The following PARD3B variants were observed in gnomAD, a reference collection of about 807,000 sequenced individuals.
PARD3B encodes par-3 family cell polarity regulator beta.
PARD3B carries 103 observed loss-of-function variants against 130.2 expected under a neutral mutation model. That is an observed-to-expected ratio of 0.79 (90% CI 0.67 to 0.93). PARD3B has a LOEUF of 0.93. Among genes scored for constraint, PARD3B ranks in the 40% least tolerant of loss-of-function variants. The probability of loss-of-function intolerance (pLI) is 0.00; values close to 1 mark genes in which losing one functional copy is unlikely to be tolerated. For missense variants in PARD3B, 1,609 were observed against 1,499.2 expected (o/e 1.07, Z -1.21); for synonymous variants, 583 against 553.2 (o/e 1.05, Z -0.76).
At chr2:204,985,562 T>C (rs34817700) in intron 3 of PARD3B, among the ~76,000 whole-genome samples, 5 of 152,190 alleles carry the variant, frequency 3.3e-5, no homozygotes, top group African/African-American at 9.7e-5. Flanking sequence ...GTGGCTGGAA[T>C]TTGACCAAAT....
Position 204,669,932 on chromosome 2 carries a change from T to C in PARD3B, c.121-16249T>C, listed in dbSNP as rs1022442496. On this transcript the variant is annotated intron_variant, in intron 1 of 22. Coordinates refer to ENST00000406610, the MANE Select transcript of PARD3B (RefSeq NM_001302769.2). The surrounding 1 kb of genome is among the most constrained non-coding windows in gnomAD (Gnocchi z 4.3). ...AAAAATATTTGAATAACTCTATTAATGGAAAGGATGGAAAAGTTGGGGGAC... is the reference window on the plus strand; with the variant it reads ...AAAAATATTTGAATAACTCTATTAACGGAAAGGATGGAAAAGTTGGGGGAC... Among the ~76,000 whole-genome samples, 1 of 152,108 alleles carries C rather than the reference T, an allele frequency of 6.6e-6. No homozygotes were observed. The highest frequency in any genetic ancestry group is 1.5e-5 in the Non-Finnish European group (1 of 68,006).
chr2:205,575,419 GTGT>G lies in PARD3B; in HGVS notation c.3260+22021_3260+22023del, dbSNP rs973773952. 7.9e-5 allele frequency among the ~76,000 whole-genome samples: 12 copies of G among 151,890 alleles called. No individual in the cohort carries two copies. Among genetic ancestry groups the G allele is most frequent in the African/African-American group, 2.9e-4 (12 of 41,336 alleles). On this transcript the variant is annotated intron_variant, in intron 22 of 22. Transcript: ENST00000406610. The surrounding 1 kb of genome is among the most constrained non-coding windows in gnomAD (Gnocchi z 4.6). ...CATAGTTTACATTAGCGCTCTCTCGGTGTTGTTCATTCTGTGGGTTTGGACAAG... is the reference window on the plus strand; with the variant it reads ...CATAGTTTACATTAGCGCTCTCTCGGTGTTCATTCTGTGGGTTTGGACAAG...
At chr2:204,936,133 C>G (rs1282194373) in intron 2 of PARD3B, among the ~76,000 whole-genome samples, 1 of 152,198 alleles carries the variant, frequency 6.6e-6, no homozygotes, top group Non-Finnish European at 1.5e-5. Flanking sequence ...AGCCTGAAAT[C>G]CCAGAACACA....
intron 3 of PARD3B, among the ~76,000 whole-genome samples, chr2:204,970,388 G>T (rs2125173469): frequency 6.6e-6 from 1 of 152,276 alleles, no homozygotes; most frequent in Non-Finnish European, 1.5e-5. Context: ...ACACATTCTA[G>T]CAAAGTAAAA....
chr2:204,806,006 G>T (rs2042755071), intron 2 of PARD3B, among the ~76,000 whole-genome samples: 1 of 151,942 alleles, frequency 6.6e-6, no homozygotes, highest in Non-Finnish European at 1.5e-5. Flanking sequence ...AAAAATGAAA[G>T]CTACTCCATG....
intron 10 of PARD3B, among the ~76,000 whole-genome samples, chr2:205,127,194 G>A (rs577603764): frequency 6.6e-6 from 1 of 151,804 alleles, no homozygotes; most frequent in South Asian, 2.1e-4. Flanking sequence ...CTGCTCAGGA[G>A]GCTGAGACAG....
chr2:205,219,471 C>G (rs527719477), intron 15 of PARD3B, among the ~76,000 whole-genome samples: 1 of 152,186 alleles, frequency 6.6e-6, no homozygotes, highest in South Asian at 2.1e-4. Flanking sequence ...CAGTAGTAGC[C>G]CTGGTTTTGC....
intron 3 of PARD3B, among the ~76,000 whole-genome samples, chr2:205,020,709 T>C (rs1464245913): frequency 2.0e-5 from 3 of 152,168 alleles, no homozygotes; most frequent in African/African-American, 7.2e-5. Flanking sequence ...CTCTGTGTGT[T>C]GTCGAAGTCA....
At chr2:205,394,928 T>C (rs2045973780) in intron 18 of PARD3B, among the ~76,000 whole-genome samples, 2 of 152,200 alleles carry the variant, frequency 1.3e-5, no homozygotes, top group Non-Finnish European at 1.5e-5. Context: ...AATAGTGTGA[T>C]GGTTTCTCAG....
intron 5 of PARD3B, 108 bp from the exon 6 acceptor site, chr2:205,113,383 C>T: frequency 1.7e-6 from 1 of 583,934 alleles, no homozygotes; most frequent in Non-Finnish European, 2.9e-6. Flanking sequence ...TTGATATAAT[C>T]CTGAGCAGGG....
chr2:204,608,154 G>T (rs1194168419), intron 1 of PARD3B, among the ~76,000 whole-genome samples: 1 of 152,122 alleles, frequency 6.6e-6, no homozygotes, highest in Non-Finnish European at 1.5e-5. Context: ...GGCAACAGGG[G>T]GGAATTTGTT....
Position 205,484,063 on chromosome 2 carries a change from A to C in PARD3B, c.3045-15833A>C, listed in dbSNP as rs141051369. On this transcript the variant is annotated intron_variant, in intron 20 of 22. Transcript: ENST00000406610. ...CACTTAATGCTACAAATGGGGGGAA[A>C]AATACCACGGACAATATTAAAAGTT... Among the ~76,000 whole-genome samples the C allele has an allele frequency of 2.5e-4, 38 of 152,332 alleles. No individual in the cohort carries two copies. In the East Asian group the frequency reaches 6.6e-3, roughly 26 times the overall value.
Position 205,440,557 on chromosome 2 carries a change from G to A in PARD3B, c.2929G>A (p.Ala977Thr), listed in dbSNP as rs1575028789. The change falls in exon 20 of 23, where the codon GCT becomes ACT. Residue 977 changes from alanine to threonine, a missense_variant. Ala to Thr is a moderately conservative substitution (Grantham distance 58, BLOSUM62 0). Transcript: ENST00000406610. This position sits in a 1 kb window ranked among gnomAD's most constrained non-coding sequence, Gnocchi z 4.2. ...NVFRSPSPPR[A>T]GPFGYPRDGH... Reference sequence around the variant, plus strand: ...CTTTAGATCTCCATCTCCCCCTCGAGCTGGACCATTTGGTTACCCTCGGGA... The same window carrying A: ...CTTTAGATCTCCATCTCCCCCTCGAACTGGACCATTTGGTTACCCTCGGGA... 1 of 1,614,064 alleles carries A rather than the reference G, an allele frequency of 6.2e-7. No individual in the cohort carries two copies. The highest frequency in any genetic ancestry group is 1.1e-5 in the South Asian group (1 of 91,078).
In PARD3B at chr2:205,564,859, G is replaced by A. The variant is rs897571564; in HGVS notation, c.3260+11456G>A. 1.3e-5 allele frequency among the ~76,000 whole-genome samples: 2 copies of A among 152,182 alleles called. No homozygotes were observed. The highest frequency in any genetic ancestry group is 4.1e-4 in the South Asian group (2 of 4,834). On this transcript the variant is annotated intron_variant, in intron 22 of 22. Transcript: ENST00000406610. The surrounding 1 kb of genome is among the most constrained non-coding windows in gnomAD (Gnocchi z 4.6). Reference sequence around the variant, plus strand: ...ACAAAAACAGCAGCCTCCAGAACGTGTTCCTGCTTCTATTCCAAGTCTCTC... The same window carrying A: ...ACAAAAACAGCAGCCTCCAGAACGTATTCCTGCTTCTATTCCAAGTCTCTC...
intron 2 of PARD3B, among the ~76,000 whole-genome samples, chr2:204,830,410 T>C (rs1160577644): frequency 6.6e-6 from 1 of 152,188 alleles, no homozygotes; most frequent in Non-Finnish European, 1.5e-5. Context: ...TAAAATTATT[T>C]GTGCTATTTA....
intron 1 of PARD3B, among the ~76,000 whole-genome samples, chr2:204,563,090 T>G (rs1240353478): frequency 6.6e-6 from 1 of 152,168 alleles, no homozygotes; most frequent in Non-Finnish European, 1.5e-5. Flanking sequence ...AGGGCCACGC[T>G]TCCTTCAAAA....
chr2:204,839,552 A>G (rs2044186612), intron 2 of PARD3B, among the ~76,000 whole-genome samples: 1 of 152,088 alleles, frequency 6.6e-6, no homozygotes, highest in African/African-American at 2.4e-5. Flanking sequence ...CATGCACTCG[A>G]AATTCTTAAC....
At chr2:205,199,802 C>T (rs1027030607) in intron 15 of PARD3B, among the ~76,000 whole-genome samples, 4 of 152,022 alleles carry the variant, frequency 2.6e-5, no homozygotes, top group African/African-American at 9.7e-5. Flanking sequence ...TCCCTGTGCA[C>T]TAAAAGGCTT....
At chr2:204,834,821 C>T (rs559921217) in intron 2 of PARD3B, among the ~76,000 whole-genome samples, 6 of 152,218 alleles carry the variant, frequency 3.9e-5, no homozygotes, top group East Asian at 3.9e-4. Flanking sequence ...ACTGTGTCAG[C>T]GATGGGCTGA....
Sources: allele counts gnomAD v4.1 joint callset (sites outside exome capture counted in the v4.1 genomes callset), GRCh38; gene constraint gnomAD v4.1.1; non-coding constraint Gnocchi (gnomAD v3.1); transcripts MANE v1.5; gene names NCBI Gene and HGNC (gene_info 2026-07-23, HGNC 2026-07-21).